NRXN1: variants seen among roughly 807,000 people sequenced by gnomAD.
NRXN1 encodes the protein neurexin-1.
In NRXN1, 39 loss-of-function variants were observed where a neutral mutation model predicts 150.9. The observed-to-expected ratio is 0.26, with a 90% CI of 0.20 to 0.34. The LOEUF (loss-of-function observed/expected upper bound fraction) is 0.34. NRXN1 is among the 10% of genes least tolerant of loss of function. The pLI is 1.00. For missense variants in NRXN1, 1,815 were observed against 1,949.9 expected, an observed-to-expected ratio of 0.93 and a Z score of 1.30; for synonymous variants, 924 against 757.0, an observed-to-expected ratio of 1.22 and a Z score of -3.62.
At chr2:50,317,476 T>A (rs557486182) in intron 17 of NRXN1, among the ~76,000 whole-genome samples, 4 of 151,662 alleles carry the variant, frequency 2.6e-5, no homozygotes, top group African/African-American at 9.7e-5. Flanking sequence ...ATCTCCAAAA[T>A]ATAAGAGACA....
intron 5 of NRXN1, among the ~76,000 whole-genome samples, chr2:50,901,502 A>G (rs1231041877): frequency 6.6e-6 from 1 of 152,084 alleles, no homozygotes; most frequent in Non-Finnish European, 1.5e-5. Context: ...GCGCCACTGC[A>G]CTCCAGCCTG....
At chr2:49,937,325 C>G (rs540496286) in intron 22 of NRXN1, among the ~76,000 whole-genome samples, 1 of 152,278 alleles carries the variant, frequency 6.6e-6, no homozygotes, top group Admixed American at 6.5e-5. Context: ...GAGTTGCCCT[C>G]GGGCTGAAAT....
intron 5 of NRXN1, among the ~76,000 whole-genome samples, chr2:50,870,160 A>G (rs148400616): frequency 6.6e-6 from 1 of 152,044 alleles, no homozygotes; most frequent in Non-Finnish European, 1.5e-5. Context: ...TTGGAGACAA[A>G]TAATATAAAA....
At chr2:50,847,126 CA>C (rs1204416458) in intron 5 of NRXN1, among the ~76,000 whole-genome samples, 2 of 152,024 alleles carry the variant, frequency 1.3e-5, no homozygotes, top group African/African-American at 2.4e-5. Flanking sequence ...TGACATGCAT[CA>C]GGGGGAGGTG....
chr2:50,051,304 A>G lies in NRXN1; in HGVS notation c.4128+1967T>C, dbSNP rs112793855. ...AAAATACATAAAACCAATGCTGATA[A>G]TATTTTCTTCTTTTGGGACACACCT... On this transcript the variant is annotated intron_variant, in intron 21 of 22. Coordinates refer to ENST00000401669, the MANE Select transcript of NRXN1 (RefSeq NM_001330078.2). Among the ~76,000 whole-genome samples, 228 of 152,166 alleles carry G rather than the reference A, an allele frequency of 1.5e-3. 2 individuals are homozygous for G. Among genetic ancestry groups the G allele is most frequent in the African/African-American group, 3.8e-3 (158 of 41,580 alleles).
intron 8 of NRXN1, among the ~76,000 whole-genome samples, chr2:50,600,949 A>G (rs1676167660): frequency 6.6e-6 from 1 of 152,164 alleles, no homozygotes; most frequent in South Asian, 2.1e-4. Flanking sequence ...GTGAATTAAA[A>G]AAAAATGAAA....
chr2:50,445,451 G>A (rs2086318876), intron 17 of NRXN1, among the ~76,000 whole-genome samples: 1 of 152,104 alleles, frequency 6.6e-6, no homozygotes, highest in African/African-American at 2.4e-5. Context: ...TTTACAAGGA[G>A]GCTGTGTCCA....
chr2:50,478,615 T>C (rs1274142937), intron 15 of NRXN1, among the ~76,000 whole-genome samples: 1 of 152,224 alleles, frequency 6.6e-6, no homozygotes. Flanking sequence ...AGGTTTAGCC[T>C]TACAACAATC....
At chr2:50,538,052 C>A (rs2093305531) in intron 10 of NRXN1, among the ~76,000 whole-genome samples, 1 of 152,162 alleles carries the variant, frequency 6.6e-6, no homozygotes, top group South Asian at 2.1e-4. Context: ...TACTTAAGAA[C>A]TGTGTCCTTT....
At chr2:50,623,753 C>G in intron 5 of NRXN1, 138 bp from the exon 6 acceptor site, 1 of 642,686 alleles carries the variant, frequency 1.6e-6, no homozygotes, top group Non-Finnish European at 2.7e-6. Flanking sequence ...CTGTCTCAGT[C>G]AAACAGTACT....
chr2:50,733,202 G>C (rs960335094), intron 5 of NRXN1, among the ~76,000 whole-genome samples: 10 of 152,214 alleles, frequency 6.6e-5, no homozygotes, highest in African/African-American at 2.2e-4. Context: ...ATTGTTGATT[G>C]AATCAGCAGT....
At chr2:50,697,710 T>C (rs1271860105) in intron 5 of NRXN1, among the ~76,000 whole-genome samples, 4 of 152,218 alleles carry the variant, frequency 2.6e-5, no homozygotes, top group Admixed American at 2.0e-4. Context: ...CCTCAAATAA[T>C]ATTTAGAATA....
intron 21 of NRXN1, among the ~76,000 whole-genome samples, chr2:49,958,238 G>A (rs1311315501): frequency 6.6e-6 from 1 of 152,104 alleles, no homozygotes; most frequent in Non-Finnish European, 1.5e-5. Flanking sequence ...CTTCCTGCAG[G>A]TATTTCAGTG....
In NRXN1 at chr2:50,306,286, C is replaced by A. The variant is rs183011953; in HGVS notation, c.3365-69316G>T. ...AAGTCACTATGGTATTGGTCTTTTA[C>A]TAATAAAATAGATGACTTATTAAAG... On this transcript the variant is annotated intron_variant, in intron 17 of 22. Coordinates refer to ENST00000401669, the MANE Select transcript of NRXN1 (RefSeq NM_001330078.2). 3.5e-3 allele frequency among the ~76,000 whole-genome samples: 528 copies of A among 152,238 alleles called. 3 individuals carry two copies. Among genetic ancestry groups the A allele is most frequent in the African/African-American group, 0.012 (508 of 41,550 alleles).
In NRXN1 at chr2:50,347,681, A is replaced by C. The variant is rs938825482; in HGVS notation, c.3365-110711T>G. The C allele has an allele frequency of 2.0e-6, 2 of 987,450 alleles. No individual in the cohort carries two copies. The highest frequency in any genetic ancestry group is 2.4e-6 in the Non-Finnish European group (2 of 831,190). 61.2% of individuals were successfully genotyped at this position (987,450 alleles called of 1,614,324 possible). On this transcript the variant is annotated intron_variant, in intron 17 of 22. Coordinates refer to ENST00000401669, the MANE Select transcript of NRXN1 (RefSeq NM_001330078.2). This position sits in a 1 kb window ranked among gnomAD's most constrained non-coding sequence, Gnocchi z 4.9. The stretch of plus-strand genomic sequence containing the variant: ...GAAGGAAGTGGGAATCGAACGGCGG[A>C]AAGGCAGCTGAGAAGAAGATGCAGA...
intron 19 of NRXN1, among the ~76,000 whole-genome samples, chr2:50,081,721 T>A (rs1697992576): frequency 6.6e-6 from 1 of 152,180 alleles, no homozygotes; most frequent in Non-Finnish European, 1.5e-5. Flanking sequence ...TTAAAAATTG[T>A]TCATCATACA....
intron 17 of NRXN1, among the ~76,000 whole-genome samples, chr2:50,344,950 G>C (rs1408888525): frequency 6.6e-6 from 1 of 152,118 alleles, no homozygotes; most frequent in African/African-American, 2.4e-5. Context: ...GCTTGCCTCC[G>C]TCCCTCAGGA....
At chr2:50,825,446 G>T (rs900913955) in intron 5 of NRXN1, among the ~76,000 whole-genome samples, 2 of 152,132 alleles carry the variant, frequency 1.3e-5, no homozygotes, top group African/African-American at 4.8e-5. Flanking sequence ...TGAAAGCTAA[G>T]TTGATAACCA....
chr2:50,415,954 A>G (rs2083504208), intron 17 of NRXN1, among the ~76,000 whole-genome samples: 2 of 130,560 alleles, frequency 1.5e-5, no homozygotes, highest in African/African-American at 7.8e-5. Context: ...TCAACAACAT[A>G]CAAAAAAAAA....
Sources: gnomAD v4.1 joint callset for allele counts (sites outside exome capture counted in the v4.1 genomes callset) on GRCh38, gnomAD v4.1.1 for gene constraint, Gnocchi (gnomAD v3.1) non-coding constraint, MANE v1.5 for transcripts, NCBI Gene and HGNC (gene_info 2026-07-23, HGNC 2026-07-21) for gene names.